Variants in ZNF585A observed in about 807,000 individuals in gnomAD.
The protein encoded by ZNF585A is zinc finger protein 585A.
In ZNF585A, 9 loss-of-function variants were observed where a neutral mutation model predicts 14.9. The observed-to-expected ratio is 0.60, with a 90% CI of 0.36 to 1.05. The LOEUF is 1.05. Among genes scored for constraint, ZNF585A ranks in the 50% least tolerant of loss-of-function variants. The pLI is 0.01. For missense variants in ZNF585A, 726 were observed against 926.4 expected, an observed-to-expected ratio of 0.78 and a Z score of 2.81; for synonymous variants, 276 against 319.9, an observed-to-expected ratio of 0.86 and a Z score of 1.46.
intron 2 of ZNF585A, chr19:37,165,558 C>T (rs545985207): frequency 6.3e-6 from 5 of 798,306 alleles, no homozygotes; most frequent in South Asian, 5.8e-5. Context: ...TTGCTGAGAA[C>T]ATAGCAGTTG....
chr19:37,159,788 A>C (rs957610857), intron 2 of ZNF585A, among the ~76,000 whole-genome samples: 2 of 152,216 alleles, frequency 1.3e-5, no homozygotes, highest in African/African-American at 4.8e-5. Flanking sequence ...AAACAAAAAC[A>C]ACCTAAAAAA....
intron 1 of ZNF585A, among the ~76,000 whole-genome samples, chr19:37,171,894 C>T (rs1476968969): frequency 2.0e-5 from 3 of 150,110 alleles, no homozygotes; most frequent in Non-Finnish European, 4.4e-5. Flanking sequence ...CAGAGCGAGA[C>T]TCCATCTCAA....
chr19:37,150,908 G>T lies in ZNF585A; in HGVS notation c.*681C>A, dbSNP rs1257142395. On this transcript the variant is annotated 3_prime_UTR_variant, in exon 5 of 5. Coordinates refer to ENST00000292841, the MANE Select transcript of ZNF585A (RefSeq NM_001288800.2). ...GGGGTCAAAACACAAAGTGCTGAGG[G>T]CCCGTGAGGCTGAGAGACAGTCATG... 6.4e-6 allele frequency: 1 copy of T among 155,568 alleles called. No homozygotes were observed. 9.6% of individuals were successfully genotyped at this position (155,568 alleles called of 1,614,324 possible).
chr19:37,156,223 G>A lies in ZNF585A; in HGVS notation c.199+6C>T, dbSNP rs543202667. Reference sequence around the variant, plus strand: ...TCCTTTCAGATACCAAGGTGACTGTGCTTACCTACTGAGAGCAGGTGGCTG... The same window carrying A: ...TCCTTTCAGATACCAAGGTGACTGTACTTACCTACTGAGAGCAGGTGGCTG... On this transcript the variant is annotated splice_donor_region_variant and intron_variant, in intron 3 of 4. Coordinates refer to ENST00000292841, the MANE Select transcript of ZNF585A (RefSeq NM_001288800.2). 6 of 1,613,830 alleles carry A rather than the reference G, an allele frequency of 3.7e-6. No individual in the cohort carries two copies. In the East Asian group the frequency reaches 8.9e-5, roughly 24 times the overall value.
At chr19:37,161,614 C>A (rs376442613) in intron 2 of ZNF585A, among the ~76,000 whole-genome samples, 18 of 152,222 alleles carry the variant, frequency 1.2e-4, no homozygotes, top group Non-Finnish European at 2.4e-4. Context: ...CCTCCTCTTC[C>A]GCCTCTGCCA....
At chr19:37,166,314 G>GTA (rs1487013920) in intron 2 of ZNF585A, among the ~76,000 whole-genome samples, 1 of 135,842 alleles carries the variant, frequency 7.4e-6, no homozygotes, top group African/African-American at 3.2e-5. Context: ...ATGCTGCCCA[G>GTA]TCTTTTTTTT....
rs186098323 is a variant in ZNF585A at position 37,153,397 on chromosome 19, C to A, written c.502G>T (p.Val168Leu). ...YVCIECGKAFVQKPEFIIHQK... is the reference protein window; with the variant it reads ...YVCIECGKAFLQKPEFIIHQK... Reference sequence around the variant, plus strand: ...TGTATAATAAATTCTGGCTTCTGTACAAAAGCCTTCCCACATTCAATGCAT... The same window carrying A: ...TGTATAATAAATTCTGGCTTCTGTAAAAAAGCCTTCCCACATTCAATGCAT... Residue 168 changes from valine (V) to leucine (L), a missense_variant, in exon 5 of 5, where the codon GTA becomes TTA. By Grantham distance (32) the Val-to-Leu change is conservative (BLOSUM62 1). This residue lies in a region of ZNF585A where 483 missense variants were observed against 542.8 expected (regional missense o/e 0.89). Coordinates refer to ENST00000292841, the MANE Select transcript of ZNF585A (RefSeq NM_001288800.2). 56 of 1,613,962 alleles carry A rather than the reference C, an allele frequency of 3.5e-5. No homozygotes were observed. In the Admixed American group the frequency reaches 9.3e-4, roughly 27 times the overall value.
At chr19:37,160,990 C>G (rs539502355) in intron 2 of ZNF585A, among the ~76,000 whole-genome samples, 1 of 152,198 alleles carries the variant, frequency 6.6e-6, no homozygotes, top group African/African-American at 2.4e-5. Context: ...GCCTCAGCCT[C>G]CTGAGTAGCT....
chr19:37,153,204 T>C lies in ZNF585A; in HGVS notation c.695A>G (p.His232Arg), dbSNP rs770375388. The C allele has an allele frequency of 7.4e-6, 12 of 1,614,100 alleles. No individual in the cohort carries two copies. The highest frequency in any genetic ancestry group is 1.0e-5 in the Non-Finnish European group (12 of 1,180,044). ...GFSYNSDLSI[H>R]EKIHTGERHH... Reference sequence around the variant, plus strand: ...TCTCTCTCCAGTATGAATTTTCTCATGTATACTGAGATCTGAGTTATAAGA... The same window carrying C: ...TCTCTCTCCAGTATGAATTTTCTCACGTATACTGAGATCTGAGTTATAAGA... The change falls in exon 5 of 5, where the codon CAT (histidine) becomes CGT (arginine). Residue 232 changes from histidine (H) to arginine (R), a missense_variant. Coordinates refer to ENST00000292841, the MANE Select transcript of ZNF585A (RefSeq NM_001288800.2).
chr19:37,166,696 A>C (rs1011744099), intron 2 of ZNF585A, among the ~76,000 whole-genome samples: 2 of 144,392 alleles, frequency 1.4e-5, no homozygotes, highest in Admixed American at 6.7e-5. Context: ...GATTGTCAAC[A>C]CATCAACACA....
chr19:37,164,074 A>G (rs1533736), intron 2 of ZNF585A, among the ~76,000 whole-genome samples: 38,926 of 152,128 alleles, frequency 0.26, 5,646 homozygotes, highest in Non-Finnish European at 0.33. Flanking sequence ...CGGATGCCGT[A>G]TTTACTATCT....
At position 37,152,067 on chromosome 19, in the gene ZNF585A, C is replaced by T. The variant is rs746246242; in HGVS notation, c.1832G>A (p.Cys611Tyr). Residue 611 changes from cysteine (C) to tyrosine (Y), a missense_variant, in exon 5 of 5, where the codon TGT becomes TAT. Around this residue, in one of 2 missense-constraint regions of ZNF585A, gnomAD observed 243 missense variants for 383.6 expected, o/e 0.63. Coordinates refer to ENST00000292841, the MANE Select transcript of ZNF585A (RefSeq NM_001288800.2). ...AGACTTGGAGGTAAAGGACTTCCCA[C>T]AGTCACTGCATTCATAAGGCTTCTC... ...TGEKPYECSD[C>Y]GKSFTSKSQL... 19 of 1,597,272 alleles carry T rather than the reference C, an allele frequency of 1.2e-5. No individual in the cohort carries two copies. In the Admixed American group the frequency reaches 2.4e-4, roughly 20 times the overall value.
In ZNF585A at chr19:37,152,592, T is replaced by G. The variant is rs774375176; in HGVS notation, c.1307A>C (p.Lys436Thr). ...IAHQIIHTGEKPHKCGHCGKL... is the reference protein window; with the variant it reads ...IAHQIIHTGETPHKCGHCGKL... Reference sequence around the variant, plus strand: ...CCCACAGTGACCACATTTATGAGGTTTCTCTCCAGTATGAATTATTTGATG... The same window carrying G: ...CCCACAGTGACCACATTTATGAGGTGTCTCTCCAGTATGAATTATTTGATG... Residue 436 changes from lysine to threonine, a missense_variant, in exon 5 of 5, where the codon AAA (lysine) becomes ACA (threonine). Around this residue, in one of 2 missense-constraint regions of ZNF585A, gnomAD observed 483 missense variants for 542.8 expected, o/e 0.89. Transcript: ENST00000292841. 1 of 1,614,212 alleles carries G rather than the reference T, an allele frequency of 6.2e-7. No individual in the cohort carries two copies. The highest frequency in any genetic ancestry group is 8.5e-7 in the Non-Finnish European group (1 of 1,180,048).
intron 2 of ZNF585A, 81 bp from the exon 3 acceptor site, chr19:37,156,436 G>C: frequency 6.7e-7 from 1 of 1,482,080 alleles, no homozygotes; most frequent in Non-Finnish European, 9.0e-7. Flanking sequence ...TGGAATACAG[G>C]TCTTGTTGTT....
chr19:37,146,744 C>G lies in ZNF585A; in HGVS notation c.*4845G>C, dbSNP rs1971748435. 2 of 152,838 alleles carry G rather than the reference C, an allele frequency of 1.3e-5. No homozygotes were observed. Among genetic ancestry groups the G allele is most frequent in the South Asian group, 2.1e-4 (1 of 4,838 alleles). The allele number at this position is 152,838 out of a possible 1,614,324, so 9.5% of individuals were successfully genotyped here. ...TGCCTATGGATCCCCCACTCCTGCC[C>G]CTTTCCCCCTCTATGTGACCTGCCA... On this transcript the variant is annotated 3_prime_UTR_variant, in exon 5 of 5. Transcript: ENST00000292841.
intron 2 of ZNF585A, among the ~76,000 whole-genome samples, chr19:37,165,871 C>A (rs1270546589): frequency 6.6e-6 from 1 of 152,098 alleles, no homozygotes; most frequent in Non-Finnish European, 1.5e-5. Flanking sequence ...GACTTTGAAC[C>A]ATTTAAATTC....
chr19:37,151,964 G>A lies in ZNF585A; in HGVS notation c.1935C>T (p.Gly645=). 1 of 1,613,996 alleles carries A rather than the reference G, an allele frequency of 6.2e-7. No homozygotes were observed. Among genetic ancestry groups the A allele is most frequent in the Non-Finnish European group, 8.5e-7 (1 of 1,180,012 alleles). Residue 645 remains glycine, a synonymous_variant, in exon 5 of 5, where the codon GGC becomes GGT. Transcript: ENST00000292841. ...VCAECGKAFS[G]RSNLSKHQKT... ...TCTGGTGCTTACTGAGATTTGACCT[G>A]CCACTAAAGGCCTTCCCGCACTCGG...
chr19:37,164,405 A>AT (rs1478708432), intron 2 of ZNF585A, among the ~76,000 whole-genome samples: 1 of 123,388 alleles, frequency 8.1e-6, no homozygotes, highest in African/African-American at 3.5e-5. Flanking sequence ...ACTGTCTCAA[A>AT]TTAAAAAAAA....
chr19:37,156,982 G>T (rs113057561), intron 2 of ZNF585A, among the ~76,000 whole-genome samples: 1 of 152,148 alleles, frequency 6.6e-6, no homozygotes, highest in African/African-American at 2.4e-5. Context: ...GAGCCACCGC[G>T]CCTGGCCTCT....
Sources: gnomAD v4.1 joint callset for allele counts (sites outside exome capture counted in the v4.1 genomes callset) on GRCh38, gnomAD v4.1.1 for gene constraint, gnomAD v4.1.1 regional missense constraint, MANE v1.5 for transcripts, NCBI Gene and HGNC (gene_info 2026-07-23, HGNC 2026-07-21) for gene names.